Variants in NOS1AP observed in about 807,000 individuals in gnomAD.
NOS1AP encodes the protein carboxyl-terminal PDZ ligand of neuronal nitric oxide synthase protein.
NOS1AP carries 21 observed loss-of-function variants against 56.2 expected under a neutral mutation model. The ratio of observed to expected loss-of-function variants is 0.37; its 90% CI spans 0.26 to 0.54. NOS1AP has a LOEUF of 0.54. NOS1AP is among the 20% of genes least tolerant of loss of function. NOS1AP has a pLI of 0.84. For synonymous variants in NOS1AP, 270 were observed against 274.6 expected (o/e 0.98, Z 0.17); for missense variants, 522 against 657.8 (o/e 0.79, Z 2.26).
In NOS1AP at chr1:162,272,638, G is replaced by A. The variant is rs1294805070; in HGVS notation, c.178-14706G>A. Among the ~76,000 whole-genome samples, 3 of 152,246 alleles carry A rather than the reference G, an allele frequency of 2.0e-5. No individual in the cohort carries two copies. In the East Asian group the frequency reaches 5.8e-4, roughly 29 times the overall value. On this transcript the variant is annotated intron_variant, in intron 2 of 9. Transcript: ENST00000361897. Reference sequence around the variant, plus strand: ...TTCTCTACTGGCTGCTCAGGCATGTGCTCGTTATTTATCTTGTCCTTTTGT... The same window carrying A: ...TTCTCTACTGGCTGCTCAGGCATGTACTCGTTATTTATCTTGTCCTTTTGT...
intron 4 of NOS1AP, among the ~76,000 whole-genome samples, chr1:162,309,883 T>G (rs770927422): frequency 6.6e-6 from 1 of 152,234 alleles, no homozygotes; most frequent in African/African-American, 2.4e-5. Flanking sequence ...TTATTATTTT[T>G]TCAAAATGTG....
At chr1:162,295,290 A>G (rs1254668384) in intron 3 of NOS1AP, among the ~76,000 whole-genome samples, 2 of 152,184 alleles carry the variant, frequency 1.3e-5, no homozygotes, top group Non-Finnish European at 2.9e-5. Flanking sequence ...GAGTAGCAAG[A>G]CTGAAATTTC....
chr1:162,221,217 G>A (rs954937841), intron 2 of NOS1AP, among the ~76,000 whole-genome samples: 1 of 152,190 alleles, frequency 6.6e-6, no homozygotes, highest in Non-Finnish European at 1.5e-5. Context: ...GGGATTAAAG[G>A]CGTGAGCCAC....
intron 2 of NOS1AP, among the ~76,000 whole-genome samples, chr1:162,179,938 G>C (rs1165379712): frequency 6.6e-6 from 1 of 152,164 alleles, no homozygotes; most frequent in African/African-American, 2.4e-5. Context: ...AGGAGAAAAG[G>C]CCGGACACCA....
At chr1:162,243,912 G>A (rs969613001) in intron 2 of NOS1AP, among the ~76,000 whole-genome samples, 1 of 152,122 alleles carries the variant, frequency 6.6e-6, no homozygotes, top group Admixed American at 6.5e-5. Flanking sequence ...AGGATTCAGC[G>A]TTGGTATTGC....
intron 2 of NOS1AP, among the ~76,000 whole-genome samples, chr1:162,156,767 TTTTA>T (rs1423557236): frequency 6.6e-6 from 1 of 152,166 alleles, no homozygotes; most frequent in African/African-American, 2.4e-5. Context: ...TATTTTATTA[TTTTA>T]TTTATTATTT....
At chr1:162,271,663 G>C (rs1654586034) in intron 2 of NOS1AP, among the ~76,000 whole-genome samples, 1 of 152,202 alleles carries the variant, frequency 6.6e-6, no homozygotes, top group South Asian at 2.1e-4. Context: ...TTTCCTCTCA[G>C]ACCAATGACT....
At chr1:162,089,008 T>G (rs1363052096) in intron 1 of NOS1AP, among the ~76,000 whole-genome samples, 1 of 152,208 alleles carries the variant, frequency 6.6e-6, no homozygotes, top group Non-Finnish European at 1.5e-5. Context: ...GTATTTTGTG[T>G]CTCAGACCTG....
intron 4 of NOS1AP, among the ~76,000 whole-genome samples, chr1:162,323,498 T>A (rs1656482121): frequency 6.6e-6 from 1 of 152,354 alleles, no homozygotes; most frequent in Middle Eastern, 3.4e-3. Context: ...TGTTTCTTCA[T>A]CTGTAAAATG....
Position 162,368,438 on chromosome 1 carries a change from C to CAAAAAAAAAAAAAAAAAA in NOS1AP, c.*984_*985insAAAAAAAAAAAAAAAAAA, listed in dbSNP as rs3065060. ...GGGCAGTGGTGGTCAGTTTTTACTGCAAAAAAAAAAAAAGAAAAAAGAGAA... is the reference window on the plus strand; with the variant it reads ...GGGCAGTGGTGGTCAGTTTTTACTGCAAAAAAAAAAAAAAAAAAAAAAAAAAAAAAAGAAAAAAGAGAA... On this transcript the variant is annotated 3_prime_UTR_variant, in exon 10 of 10. Transcript: ENST00000361897. 6.9e-6 allele frequency: 1 copy of CAAAAAAAAAAAAAAAAAA among 145,728 alleles called. No individual in the cohort carries two copies. Among genetic ancestry groups the CAAAAAAAAAAAAAAAAAA allele is most frequent in the African/African-American group, 2.6e-5 (1 of 38,446 alleles). The allele number at this position is 145,728 out of a possible 1,614,324, so 9.0% of individuals were successfully genotyped here.
intron 1 of NOS1AP, among the ~76,000 whole-genome samples, chr1:162,086,755 A>G (rs2102019285): frequency 6.6e-6 from 1 of 152,284 alleles, no homozygotes; most frequent in Middle Eastern, 3.4e-3. Context: ...TTTTATGTAG[A>G]GAATCTGATG....
intron 2 of NOS1AP, among the ~76,000 whole-genome samples, chr1:162,209,767 TGGGGGCG>T (rs768577824): frequency 1.3e-5 from 2 of 150,458 alleles, no homozygotes; most frequent in Non-Finnish European, 3.0e-5. Flanking sequence ...AGCTGAGAGC[TGGGGGCG>T]GGGGGCAAGG....
intron 2 of NOS1AP, among the ~76,000 whole-genome samples, chr1:162,214,374 G>C (rs773546061): frequency 9.2e-5 from 14 of 152,160 alleles, no homozygotes; most frequent in Non-Finnish European, 1.8e-4. Flanking sequence ...GGTGATATCA[G>C]CATGGCCCTC....
intron 2 of NOS1AP, among the ~76,000 whole-genome samples, chr1:162,165,675 A>C (rs7550191): frequency 0.18 from 26,713 of 152,148 alleles, 2,519 homozygotes; most frequent in East Asian, 0.36. Context: ...TCCTACAAGA[A>C]CATGCCGACT....
At chr1:162,148,577 G>T (rs1437572485) in intron 1 of NOS1AP, among the ~76,000 whole-genome samples, 1 of 152,212 alleles carries the variant, frequency 6.6e-6, no homozygotes, top group Non-Finnish European at 1.5e-5. Context: ...TGTGATTGAG[G>T]AACTTCTGAA....
chr1:162,359,722 G>T (rs1115779), intron 8 of NOS1AP, among the ~76,000 whole-genome samples: 56 of 147,710 alleles, frequency 3.8e-4, no homozygotes, highest in South Asian at 1.0e-3. Context: ...CTCTACGCGG[G>T]GGGGGGCTGA....
At chr1:162,222,143 A>T (rs971451962) in intron 2 of NOS1AP, among the ~76,000 whole-genome samples, 1 of 152,118 alleles carries the variant, frequency 6.6e-6, no homozygotes, top group African/African-American at 2.4e-5. Flanking sequence ...GGTGGTGCCA[A>T]TTTCGTTAGG....
intron 1 of NOS1AP, among the ~76,000 whole-genome samples, chr1:162,122,652 C>T (rs551828908): frequency 8.6e-5 from 13 of 151,884 alleles, no homozygotes; most frequent in East Asian, 1.9e-4. Context: ...GGACTATAGG[C>T]GCTTACCACC....
chr1:162,227,588 C>T (rs1652985477), intron 2 of NOS1AP, among the ~76,000 whole-genome samples: 2 of 152,096 alleles, frequency 1.3e-5, no homozygotes, highest in African/African-American at 4.8e-5. Flanking sequence ...TCTCCCATGG[C>T]CCAGGAAGGA....
Sources: gnomAD v4.1 joint callset for allele counts (sites outside exome capture counted in the v4.1 genomes callset) on GRCh38, gnomAD v4.1.1 for gene constraint, MANE v1.5 for transcripts, NCBI Gene and HGNC (gene_info 2026-07-23, HGNC 2026-07-21) for gene names.